Variants in NEK11 observed in about 807,000 individuals in gnomAD.
NEK11 encodes serine/threonine-protein kinase Nek11.
In NEK11, 72 loss-of-function variants were observed where a neutral mutation model predicts 80.7. The observed-to-expected ratio is 0.89, with a 90% confidence interval of 0.74 to 1.08. The LOEUF is 1.08. NEK11 is among the 50% of genes least tolerant of loss of function. NEK11 has a pLI of 0.00. For missense variants in NEK11, 764 were observed against 763.6 expected, an observed-to-expected ratio of 1.00 and a Z score of -0.01; for synonymous variants, 251 against 260.7, an observed-to-expected ratio of 0.96 and a Z score of 0.36.
At chr3:131,147,001 G>C (rs1229625375) in intron 7 of NEK11, among the ~76,000 whole-genome samples, 1 of 151,870 alleles carries the variant, frequency 6.6e-6, no homozygotes, top group Non-Finnish European at 1.5e-5. Context: ...CTCTCCTAAT[G>C]GTGTCTTTTT....
intron 14 of NEK11, among the ~76,000 whole-genome samples, chr3:131,219,803 G>A (rs904055345): frequency 1.4e-4 from 22 of 152,178 alleles, no homozygotes; most frequent in African/African-American, 5.3e-4. Context: ...CAGCCAACAT[G>A]CACAGCAGCT....
chr3:131,177,010 G>T (rs1039798892), intron 14 of NEK11, among the ~76,000 whole-genome samples: 1 of 152,156 alleles, frequency 6.6e-6, no homozygotes, highest in Non-Finnish European at 1.5e-5. Context: ...TTTAAGGTTG[G>T]ATAGAAACAA....
chr3:131,324,983 T>C (rs985929519), intron 17 of NEK11: 4 of 152,194 alleles, frequency 2.6e-5, no homozygotes, highest in Non-Finnish European at 5.9e-5. Context: ...TTCTAAAGGA[T>C]TGAATATGAG....
In NEK11 at chr3:131,066,855, A is replaced by AG. The variant is rs1465524891; in HGVS notation, c.171-13568_171-13567insG. Among the ~76,000 whole-genome samples, 590 of 148,254 alleles carry AG rather than the reference A, an allele frequency of 4.0e-3. 12 individuals are homozygous for AG. The highest frequency in any genetic ancestry group is 0.028 in the Admixed American group (410 of 14,908). On this transcript the variant is annotated intron_variant, in intron 3 of 17. Transcript: ENST00000383366. ...AGACTTGTCTCAAAAAAAAAAAAAA[A>AG]AAAGAAAAGAAAAAGAGGATTTACA...
intron 14 of NEK11, among the ~76,000 whole-genome samples, chr3:131,186,639 A>G (rs1350440428): frequency 6.6e-6 from 1 of 152,166 alleles, no homozygotes; most frequent in South Asian, 2.1e-4. Context: ...TAAAATTTCC[A>G]TCTATTTTCT....
intron 3 of NEK11, among the ~76,000 whole-genome samples, chr3:131,040,471 G>A (rs569288178): frequency 6.6e-6 from 1 of 152,214 alleles, no homozygotes; most frequent in Non-Finnish European, 1.5e-5. Flanking sequence ...TATGTGCAGT[G>A]TATTATGTCA....
At position 131,209,116 on chromosome 3, in the gene NEK11, C is replaced by G. The variant is rs957710452; in HGVS notation, c.1400-19412C>G. On this transcript the variant is annotated intron_variant, in intron 14 of 17. Coordinates refer to ENST00000383366, the MANE Select transcript of NEK11 (RefSeq NM_024800.5). Reference sequence around the variant, plus strand: ...GGCTGTGGGTTTGTCATAAATAGCTCTTATTATTTTGAGCTACGTCCCATC... The same window carrying G: ...GGCTGTGGGTTTGTCATAAATAGCTGTTATTATTTTGAGCTACGTCCCATC... 2.6e-5 allele frequency among the ~76,000 whole-genome samples: 4 copies of G among 152,068 alleles called. No homozygotes were observed. The East Asian group carries it at 7.7e-4, about 29-fold the overall frequency.
chr3:131,181,564 A>G (rs139717439), intron 14 of NEK11, among the ~76,000 whole-genome samples: 2,176 of 151,976 alleles, frequency 0.014, 46 homozygotes, highest in African/African-American at 0.049. Flanking sequence ...GGCTAACACG[A>G]TGAAACCCCA....
At chr3:131,179,183 C>T (rs1354552127) in intron 14 of NEK11, among the ~76,000 whole-genome samples, 1 of 152,168 alleles carries the variant, frequency 6.6e-6, no homozygotes, top group Admixed American at 6.5e-5. Context: ...AATAATACGC[C>T]ATGTTGGCAG....
intron 16 of NEK11, among the ~76,000 whole-genome samples, chr3:131,268,560 T>C (rs1307175618): frequency 6.6e-6 from 1 of 152,174 alleles, no homozygotes; most frequent in African/African-American, 2.4e-5. Context: ...TTGCTGGAGG[T>C]CCACTCCAGA....
At chr3:131,154,824 C>A in intron 9 of NEK11, 1 of 516,058 alleles carries the variant, frequency 1.9e-6, no homozygotes, top group South Asian at 2.7e-5. Context: ...CAAGATGAAG[C>A]TGGAGAGACA....
chr3:131,218,041 A>G (rs2094901140), intron 14 of NEK11, among the ~76,000 whole-genome samples: 1 of 152,208 alleles, frequency 6.6e-6, no homozygotes, highest in Non-Finnish European at 1.5e-5. Context: ...ATTTTCTTGA[A>G]GGTCTGAGGA....
At chr3:131,089,800 A>G (rs530293657) in intron 4 of NEK11, among the ~76,000 whole-genome samples, 60 of 152,276 alleles carry the variant, frequency 3.9e-4, no homozygotes, top group Non-Finnish European at 7.8e-4. Context: ...TAATAGGGAT[A>G]TGCATTTTAA....
At chr3:131,055,204 G>A (rs2069230117) in intron 3 of NEK11, among the ~76,000 whole-genome samples, 1 of 152,166 alleles carries the variant, frequency 6.6e-6, no homozygotes, top group Non-Finnish European at 1.5e-5. Context: ...TAATGCAATA[G>A]AATCATTTAG....
intron 13 of NEK11, among the ~76,000 whole-genome samples, chr3:131,169,521 T>C (rs2092531978): frequency 6.6e-6 from 1 of 152,192 alleles, no homozygotes; most frequent in South Asian, 2.1e-4. Context: ...CCATCGAATG[T>C]GGAATCATGT....
chr3:131,148,619 A>T (rs1029475939), intron 7 of NEK11, among the ~76,000 whole-genome samples: 2 of 151,956 alleles, frequency 1.3e-5, no homozygotes, highest in African/African-American at 4.8e-5. Flanking sequence ...GGGTCCTTAT[A>T]AGGATTGCTT....
At chr3:131,263,110 C>G (rs1378403505) in intron 16 of NEK11, among the ~76,000 whole-genome samples, 3 of 151,876 alleles carry the variant, frequency 2.0e-5, no homozygotes, top group Non-Finnish European at 2.9e-5. Flanking sequence ...CGTATGTATA[C>G]ATGTGCCATG....
chr3:131,119,511 A>T (rs1474286996), intron 5 of NEK11, among the ~76,000 whole-genome samples: 4 of 152,026 alleles, frequency 2.6e-5, no homozygotes, highest in African/African-American at 7.2e-5. Flanking sequence ...CTGAGTTCAA[A>T]TCCTGGATAT....
intron 16 of NEK11, among the ~76,000 whole-genome samples, chr3:131,263,807 T>C (rs1228419137): frequency 1.3e-5 from 2 of 152,196 alleles, no homozygotes; most frequent in African/African-American, 4.8e-5. Context: ...TCCACAATGG[T>C]TGAACTAGTT....
Sources: gnomAD v4.1 joint callset for allele counts (sites outside exome capture counted in the v4.1 genomes callset) on GRCh38, gnomAD v4.1.1 for gene constraint, MANE v1.5 for transcripts, NCBI Gene and HGNC (gene_info 2026-07-23, HGNC 2026-07-21) for gene names.